The following PINX1 variants were observed in gnomAD, a reference collection of about 807,000 sequenced individuals.
PINX1 encodes the protein PIN2/TERF1-interacting telomerase inhibitor 1.
A neutral mutation model predicts 25.4 loss-of-function variants in PINX1; 34 were observed. The ratio of observed to expected loss-of-function variants is 1.34; its 90% CI spans 1.02 to 1.78. The LOEUF is 1.78. PINX1 is among the 40% of genes most tolerant of loss of function. The pLI is 0.00. For synonymous variants in PINX1, 197 were observed against 147.7 expected (o/e 1.33, Z -2.42); for missense variants, 592 against 404.9 (o/e 1.46, Z -3.97).
rs531710670 is a variant in PINX1 at position 10,823,461 on chromosome 8, C to T, written c.394+2691G>A. 3.3e-5 allele frequency among the ~76,000 whole-genome samples: 5 copies of T among 152,072 alleles called. No individual in the cohort carries two copies. The South Asian group carries it at 6.2e-4, about 19-fold the overall frequency. ...GAAAACCTCAGAAATGGCTTTGTAT[C>T]GATTGACATTTTCCCCTCTGCAGAT... On this transcript the variant is annotated intron_variant, in intron 5 of 6. Transcript: ENST00000314787.
chr8:10,771,858 T>C (rs1801233797), intron 6 of PINX1, among the ~76,000 whole-genome samples: 1 of 152,240 alleles, frequency 6.6e-6, no homozygotes, highest in South Asian at 2.1e-4. Flanking sequence ...TGATGCAAAC[T>C]GCTTCTCTAA....
At chr8:10,826,114 T>C (rs376805344) in intron 5 of PINX1, 38 bp downstream of exon 5, 28 of 1,176,798 alleles carry the variant, frequency 2.4e-5, no homozygotes, top group Non-Finnish European at 2.7e-5. Flanking sequence ...GACAAACACG[T>C]AGATTTCAAT....
At chr8:10,836,688 G>GT (rs200172914) in intron 1 of PINX1, among the ~76,000 whole-genome samples, 3 of 152,060 alleles carry the variant, frequency 2.0e-5, no homozygotes, top group East Asian at 1.9e-4. Flanking sequence ...AAGGATGTTG[G>GT]GGGGGCGGGG....
chr8:10,786,577 G>A (rs1801755061), intron 6 of PINX1, among the ~76,000 whole-genome samples: 1 of 152,186 alleles, frequency 6.6e-6, no homozygotes, highest in Non-Finnish European at 1.5e-5. Context: ...CGCCCCAGAA[G>A]GGCTCACCCC....
chr8:10,775,766 G>C (rs1801372499), intron 6 of PINX1, among the ~76,000 whole-genome samples: 1 of 152,218 alleles, frequency 6.6e-6, no homozygotes, highest in African/African-American at 2.4e-5. Flanking sequence ...TCTAGGACAA[G>C]TCACCGGCCT....
intron 6 of PINX1, among the ~76,000 whole-genome samples, chr8:10,810,810 C>T (rs947433841): frequency 2.6e-5 from 4 of 152,210 alleles, no homozygotes; most frequent in African/African-American, 4.8e-5. Flanking sequence ...ACAAAACTGA[C>T]GCGTTAGGAT....
Position 10,811,121 on chromosome 8 carries a change from T to C in PINX1, c.471+9072A>G, listed in dbSNP as rs1022189558. On this transcript the variant is annotated intron_variant, in intron 6 of 6. Coordinates refer to ENST00000314787, the MANE Select transcript of PINX1 (RefSeq NM_017884.6). ...GTGCTGGGCACTTCGCTAAGAGTTC[T>C]TCATGGCTTATTATTTAATCCTCCC... Among the ~76,000 whole-genome samples, 19 of 152,374 alleles carry C rather than the reference T, an allele frequency of 1.2e-4. No homozygotes were observed. The South Asian group carries it at 3.9e-3, about 32-fold the overall frequency.
At chr8:10,827,331 C>G (rs556130647) in intron 4 of PINX1, among the ~76,000 whole-genome samples, 13 of 152,210 alleles carry the variant, frequency 8.5e-5, no homozygotes, top group African/African-American at 3.1e-4. Flanking sequence ...ACTGGAAGGG[C>G]AAAAGGAGCA....
At chr8:10,822,599 C>G (rs1225125941) in intron 5 of PINX1, among the ~76,000 whole-genome samples, 3 of 152,162 alleles carry the variant, frequency 2.0e-5, no homozygotes, top group Non-Finnish European at 4.4e-5. Context: ...GTTTCCCAGT[C>G]TATCAGAGTA....
chr8:10,782,957 T>C (rs926051156), intron 6 of PINX1, among the ~76,000 whole-genome samples: 1 of 152,238 alleles, frequency 6.6e-6, no homozygotes, highest in African/African-American at 2.4e-5. Flanking sequence ...CTTTCCTATA[T>C]GCACTGTTCC....
chr8:10,801,598 A>G (rs1322774924), intron 6 of PINX1, among the ~76,000 whole-genome samples: 1 of 152,188 alleles, frequency 6.6e-6, no homozygotes, highest in South Asian at 2.1e-4. Context: ...GGGAAGACCT[A>G]GATGGTCTTT....
chr8:10,774,459 T>C (rs1801325565), intron 6 of PINX1, among the ~76,000 whole-genome samples: 1 of 152,112 alleles, frequency 6.6e-6, no homozygotes, highest in Non-Finnish European at 1.5e-5. Context: ...TTTTGTATTT[T>C]TAGTAGAGAC....
At chr8:10,773,013 T>G (rs1355122799) in intron 6 of PINX1, among the ~76,000 whole-genome samples, 1 of 152,112 alleles carries the variant, frequency 6.6e-6, no homozygotes, top group African/African-American at 2.4e-5. Context: ...GAATTTCAAA[T>G]ACCAGTGTCC....
At chr8:10,826,331 T>C in intron 4 of PINX1, 87 bp from the exon 5 acceptor site, 1 of 660,006 alleles carries the variant, frequency 1.5e-6, no homozygotes, top group Non-Finnish European at 2.5e-6. Context: ...TGAAAGAAAA[T>C]TTTAGGAGCC....
intron 3 of PINX1, 89 bp downstream of exon 3, chr8:10,832,803 T>C: frequency 2.8e-6 from 2 of 716,976 alleles, no homozygotes; most frequent in Non-Finnish European, 4.9e-6. Context: ...GCACCAATGG[T>C]CAGAAGCAGA....
At chr8:10,802,073 G>A (rs921860660) in intron 6 of PINX1, among the ~76,000 whole-genome samples, 6 of 152,056 alleles carry the variant, frequency 3.9e-5, no homozygotes, top group African/African-American at 1.4e-4. Context: ...AAAAAGCAAA[G>A]GGCCCAAATG....
chr8:10,804,802 G>A (rs10109034), intron 6 of PINX1, among the ~76,000 whole-genome samples: 34,104 of 151,330 alleles, frequency 0.23, 4,015 homozygotes, highest in East Asian at 0.33. Context: ...CTCTAGCTAA[G>A]TAAGATATCC....
chr8:10,822,287 A>T (rs1409405547), intron 5 of PINX1, among the ~76,000 whole-genome samples: 1 of 152,246 alleles, frequency 6.6e-6, no homozygotes, highest in African/African-American at 2.4e-5. Context: ...CCGCTTTTGA[A>T]TAAATACGAC....
At chr8:10,788,722 G>A (rs1309044537) in intron 6 of PINX1, among the ~76,000 whole-genome samples, 1 of 152,196 alleles carries the variant, frequency 6.6e-6, no homozygotes, top group Non-Finnish European at 1.5e-5. Context: ...ATTATCCTAG[G>A]AGAAATCATC....
Sources: gnomAD v4.1 joint callset for allele counts (sites outside exome capture counted in the v4.1 genomes callset) on GRCh38, gnomAD v4.1.1 for gene constraint, MANE v1.5 for transcripts, NCBI Gene and HGNC (gene_info 2026-07-23, HGNC 2026-07-21) for gene names.